Variants in PDE1A observed in about 807,000 individuals in gnomAD.
PDE1A encodes phosphodiesterase 1A, also known as dual specificity calcium/calmodulin-dependent 3',5'-cyclic nucleotide phosphodiesterase 1A.
Under a neutral mutation model 61.7 loss-of-function variants are expected in PDE1A, and 35 were observed. The observed-to-expected ratio is 0.57, with a 90% CI of 0.43 to 0.75. The LOEUF (loss-of-function observed/expected upper bound fraction) is 0.75, where lower values mean the gene tolerates loss of function less well. Ranked by LOEUF, PDE1A falls within the 30% of genes least tolerant of loss-of-function variation. PDE1A has a pLI of 0.00. For synonymous variants in PDE1A, 232 were observed against 213.2 expected (o/e 1.09, Z -0.77); for missense variants, 597 against 630.6 (o/e 0.95, Z 0.57).
intron 1 of PDE1A, among the ~76,000 whole-genome samples, chr2:182,266,683 T>C (rs1388538476): frequency 1.3e-5 from 2 of 152,164 alleles, no homozygotes; most frequent in Non-Finnish European, 2.9e-5. Flanking sequence ...ATGATGTGCA[T>C]GGAGGTTGTT....
the PDE1A span, among the ~76,000 whole-genome samples, chr2:182,589,992 G>A: frequency 2.6e-5 from 4 of 152,254 alleles, no homozygotes; most frequent in Non-Finnish European, 2.9e-5. Context: ...ACTAAAACTC[G>A]TCCATTTCTT....
chr2:182,584,624 C>T, the PDE1A span, among the ~76,000 whole-genome samples: 1 of 152,164 alleles, frequency 6.6e-6, no homozygotes, highest in Admixed American at 6.5e-5. Context: ...CAATGCTCAC[C>T]ATCTAAAAGG....
At chr2:182,480,211 C>T (rs1687618909) in intron 2 of PDE1A, among the ~76,000 whole-genome samples, 1 of 151,888 alleles carries the variant, frequency 6.6e-6, no homozygotes. Flanking sequence ...TATTCTCTCC[C>T]AATTACAAAA....
intron 1 of PDE1A, among the ~76,000 whole-genome samples, chr2:182,372,544 C>G (rs1700176555): frequency 6.6e-6 from 1 of 152,206 alleles, no homozygotes; most frequent in Non-Finnish European, 1.5e-5. Context: ...GATATTACAA[C>G]AGTTCCTTAA....
At chr2:182,684,896 T>C in the PDE1A span, among the ~76,000 whole-genome samples, 1 of 152,096 alleles carries the variant, frequency 6.6e-6, no homozygotes, top group Non-Finnish European at 1.5e-5. Context: ...GTGTCATTCA[T>C]ATATACGTAT....
intron 1 of PDE1A, among the ~76,000 whole-genome samples, chr2:182,298,804 A>T (rs1320541879): frequency 1.3e-5 from 2 of 152,108 alleles, no homozygotes. Flanking sequence ...AAACCGAGAG[A>T]ATATGCCTGA....
chr2:182,538,136 T>G, the PDE1A span, among the ~76,000 whole-genome samples: 1 of 152,168 alleles, frequency 6.6e-6, no homozygotes, highest in African/African-American at 2.4e-5. Context: ...AGCACCTGCC[T>G]CCTCATATCC....
upstream of PDE1A, among the ~76,000 whole-genome samples, chr2:182,525,027 C>G (rs1321663697): frequency 6.6e-6 from 1 of 151,836 alleles, no homozygotes; most frequent in Non-Finnish European, 1.5e-5. Context: ...GGGTTTGAAT[C>G]CTTATTCTTT....
At chr2:182,157,368 T>G (rs1271019282) in intron 13 of PDE1A, among the ~76,000 whole-genome samples, 1 of 152,130 alleles carries the variant, frequency 6.6e-6, no homozygotes, top group Non-Finnish European at 1.5e-5. Flanking sequence ...AAGCATCCAT[T>G]GTAGATCTTA....
At chr2:182,309,745 T>A (rs1695841515) in intron 1 of PDE1A, among the ~76,000 whole-genome samples, 1 of 152,222 alleles carries the variant, frequency 6.6e-6, no homozygotes, top group African/African-American at 2.4e-5. Context: ...ATGCATGAAA[T>A]ACAACTGATG....
At chr2:182,442,728 A>C (rs1165155258) in intron 2 of PDE1A, among the ~76,000 whole-genome samples, 2 of 152,056 alleles carry the variant, frequency 1.3e-5, no homozygotes, top group African/African-American at 2.4e-5. Context: ...TAAATTTGAA[A>C]ATTTTTTTAA....
At chr2:182,180,014 C>T (rs193159819) in intron 13 of PDE1A, among the ~76,000 whole-genome samples, 52 of 152,226 alleles carry the variant, frequency 3.4e-4, no homozygotes, top group Admixed American at 9.2e-4. Context: ...TTCCAAAGCT[C>T]TAAACATCAT....
chr2:182,454,445 G>C (rs1171018354), intron 2 of PDE1A, among the ~76,000 whole-genome samples: 1 of 152,048 alleles, frequency 6.6e-6, no homozygotes, highest in Admixed American at 6.6e-5. Flanking sequence ...AACCAAAAAA[G>C]AGCCCGCATC....
At chr2:182,189,244 T>C (rs181679305) in intron 10 of PDE1A, among the ~76,000 whole-genome samples, 184 bp from the exon 11 acceptor site, 1 of 152,332 alleles carries the variant, frequency 6.6e-6, no homozygotes, top group Admixed American at 6.5e-5. Context: ...GGTCTCCATT[T>C]GGGGACATTT....
At chr2:182,218,775 A>G (rs1215220799) in intron 7 of PDE1A, among the ~76,000 whole-genome samples, 1 of 152,058 alleles carries the variant, frequency 6.6e-6, no homozygotes, top group Non-Finnish European at 1.5e-5. Flanking sequence ...TAGTTGAATT[A>G]TGAATGTTGA....
chr2:182,439,007 T>C (rs1159072777), intron 2 of PDE1A, among the ~76,000 whole-genome samples: 1 of 151,714 alleles, frequency 6.6e-6, no homozygotes, highest in Non-Finnish European at 1.5e-5. Flanking sequence ...CAAAAAAGAG[T>C]GTATTCAAGA....
rs1255145146 is a variant in PDE1A, at chr2:182,512,905, A to C, written c.101+9371T>G. 2.0e-5 allele frequency among the ~76,000 whole-genome samples: 3 copies of C among 152,352 alleles called. No homozygotes were observed. In the East Asian group the frequency reaches 5.8e-4, roughly 29 times the overall value. On this transcript the variant is annotated intron_variant, in intron 2 of 14. Coordinates refer to the PDE1A transcript ENST00000410103. ...CAACTCAGTGAGACAAAAATAATGA[A>C]AAAACAATTTCAAAATGAACAAAAT...
At chr2:182,580,511 C>T in the PDE1A span, among the ~76,000 whole-genome samples, 4 of 152,158 alleles carry the variant, frequency 2.6e-5, no homozygotes, top group Admixed American at 6.6e-5. Context: ...AAAGACTTGA[C>T]TTCCAAATAT....
At chr2:182,644,703 G>T in the PDE1A span, among the ~76,000 whole-genome samples, 12 of 152,030 alleles carry the variant, frequency 7.9e-5, no homozygotes, top group African/African-American at 2.9e-4. Flanking sequence ...CTGTTCAGAG[G>T]ACTGTGGTGA....
Sources: gnomAD v4.1 joint callset for allele counts (sites outside exome capture counted in the v4.1 genomes callset) on GRCh38, gnomAD v4.1.1 for gene constraint, MANE v1.5 for transcripts, NCBI Gene and HGNC (gene_info 2026-07-23, HGNC 2026-07-21) for gene names.